TNRC6A: variants seen among roughly 807,000 people sequenced by gnomAD.
TNRC6A encodes the protein trinucleotide repeat containing adaptor 6A.
TNRC6A carries 44 observed loss-of-function variants against 221.2 expected under a neutral mutation model. That is an observed-to-expected ratio of 0.20 (90% CI 0.16 to 0.26). The LOEUF (loss-of-function observed/expected upper bound fraction) is 0.26, where lower values mean the gene tolerates loss of function less well. Among genes scored for constraint, TNRC6A ranks in the 10% least tolerant of loss-of-function variants. The probability of loss-of-function intolerance (pLI) is 1.00; values close to 1 mark genes in which losing one functional copy is unlikely to be tolerated. For missense variants in TNRC6A, 2,199 were observed against 2,404.4 expected (o/e 0.91, Z 1.79); for synonymous variants, 847 against 838.5 (o/e 1.01, Z -0.18).
intron 1 of TNRC6A, among the ~76,000 whole-genome samples, chr16:24,628,349 G>C (rs377160603): frequency 6.6e-6 from 1 of 152,066 alleles, no homozygotes; most frequent in Non-Finnish European, 1.5e-5. Flanking sequence ...GAACCTAGGA[G>C]GCGGAGGTTG....
chr16:24,743,668 A>C (rs966311558), intron 2 of TNRC6A, among the ~76,000 whole-genome samples: 3 of 152,226 alleles, frequency 2.0e-5, no homozygotes, highest in Non-Finnish European at 4.4e-5. Flanking sequence ...GAATAGAACA[A>C]AGAACTTCTG....
chr16:24,676,349 T>G (rs2055420343), intron 2 of TNRC6A, among the ~76,000 whole-genome samples: 1 of 152,132 alleles, frequency 6.6e-6, no homozygotes, highest in African/African-American at 2.4e-5. Flanking sequence ...CAGGCTGGAG[T>G]GCAGTGGCAT....
chr16:24,725,737 C>T (rs550760577), upstream of TNRC6A, among the ~76,000 whole-genome samples: 6 of 151,818 alleles, frequency 4.0e-5, no homozygotes, highest in African/African-American at 1.4e-4. Flanking sequence ...GGCACGGTGG[C>T]TCATGCCTAA....
intron 2 of TNRC6A, among the ~76,000 whole-genome samples, chr16:24,643,942 G>C (rs1027093548): frequency 6.6e-6 from 1 of 152,056 alleles, no homozygotes; most frequent in Non-Finnish European, 1.5e-5. Context: ...AGATGAGAGG[G>C]GCGACAAGTG....
intron 21 of TNRC6A, chr16:24,819,847 A>G: frequency 2.6e-6 from 1 of 385,234 alleles, no homozygotes. Context: ...GCTATTTTAG[A>G]GCAATTCAGA....
At chr16:24,793,809 G>A (rs954415538) in intron 7 of TNRC6A, among the ~76,000 whole-genome samples, 160 bp downstream of exon 7, 3 of 152,146 alleles carry the variant, frequency 2.0e-5, no homozygotes, top group African/African-American at 4.8e-5. Context: ...ATTTTGTAAC[G>A]TGGTTTATTC....
At chr16:24,663,009 A>C (rs2055067230) in intron 2 of TNRC6A, 1 of 153,758 alleles carries the variant, frequency 6.5e-6, no homozygotes, top group Non-Finnish European at 1.5e-5. Flanking sequence ...TTCTTGATGA[A>C]TTGCTTAGAA....
At chr16:24,791,852 T>C (rs780633774) in intron 6 of TNRC6A, 35 bp downstream of exon 6, 3 of 1,464,172 alleles carry the variant, frequency 2.0e-6, no homozygotes. Context: ...AGCCTTGTTT[T>C]AACTTACTGT....
intron 2 of TNRC6A, among the ~76,000 whole-genome samples, chr16:24,710,307 A>C (rs2056181022): frequency 6.6e-6 from 1 of 151,746 alleles, no homozygotes; most frequent in Non-Finnish European, 1.5e-5. Context: ...TCAACAAAAT[A>C]AGAGTTCATT....
chr16:24,771,582 T>TTATGTTTTATGTTATGTTATGTTATGTTA, intron 4 of TNRC6A, among the ~76,000 whole-genome samples: 2 of 95,480 alleles, frequency 2.1e-5, no homozygotes, highest in Non-Finnish European at 4.1e-5. Context: ...TTATGTTATG[T>TTATGTTTTATGTTATGTTATGTTATGTTA]TGTTATGTTA....
intron 2 of TNRC6A, among the ~76,000 whole-genome samples, chr16:24,748,429 A>C (rs2057061078): frequency 6.6e-6 from 1 of 152,118 alleles, no homozygotes; most frequent in African/African-American, 2.4e-5. Flanking sequence ...TACCTCCTGC[A>C]CACAGAATTC....
rs1345910110 is a variant in TNRC6A at position 24,825,292 on chromosome 16, A to G, written c.*1485A>G. The stretch of plus-strand genomic sequence containing the variant: ...AAATTTTAACAGTACAGAATTTGCC[A>G]TCATATCATTGCCTTGATTCTAACT... On this transcript the variant is annotated 3_prime_UTR_variant, in exon 25 of 25. Coordinates refer to ENST00000395799, the MANE Select transcript of TNRC6A (RefSeq NM_014494.4). 1.3e-5 allele frequency: 2 copies of G among 152,656 alleles called. No homozygotes were observed. The highest frequency in any genetic ancestry group is 2.9e-5 in the Non-Finnish European group (2 of 68,046). The allele number at this position is 152,656 out of a possible 1,614,324, so 9.5% of individuals were successfully genotyped here.
At position 24,824,126 on chromosome 16, in the gene TNRC6A, A is replaced by ACC. The variant is rs55802473; in HGVS notation, c.*329_*330dup. ...TTTTTTTTCCTTCTATTCCTCCCCA[A>ACC]CCCCCCCCCCCGCCCCTTTTTTTCT... On this transcript the variant is annotated 3_prime_UTR_variant, in exon 25 of 25. Coordinates refer to ENST00000395799, the MANE Select transcript of TNRC6A (RefSeq NM_014494.4). 3,145 of 25,892 alleles carry ACC rather than the reference A, an allele frequency of 0.12. 359 individuals carry two copies. Among genetic ancestry groups the ACC allele is most frequent in the Non-Finnish European group, 0.17 (2,200 of 12,814 alleles). The allele number at this position is 25,892 out of a possible 1,614,324, so 1.6% of individuals were successfully genotyped here.
chr16:24,817,334 A>G (rs1373877487), intron 20 of TNRC6A, among the ~76,000 whole-genome samples: 1 of 152,208 alleles, frequency 6.6e-6, no homozygotes, highest in Non-Finnish European at 1.5e-5. Flanking sequence ...AAAACAGCAA[A>G]TGAAGGTTGT....
intron 3 of TNRC6A, among the ~76,000 whole-genome samples, chr16:24,757,613 G>A (rs561655310): frequency 6.6e-6 from 1 of 152,078 alleles, no homozygotes; most frequent in Non-Finnish European, 1.5e-5. Flanking sequence ...TAGTCACCTC[G>A]AGTTAACCCT....
chr16:24,819,643 C>G (rs554097223), intron 21 of TNRC6A: 1 of 175,642 alleles, frequency 5.7e-6, no homozygotes, highest in African/African-American at 2.4e-5. Context: ...GGACCACAGA[C>G]AGCACATGCC....
At chr16:24,725,345 G>C (rs1248595767), upstream of TNRC6A, among the ~76,000 whole-genome samples, 4 of 152,122 alleles carry the variant, frequency 2.6e-5, no homozygotes, top group South Asian at 8.3e-4. Context: ...GCTAACTTTT[G>C]TATTTTTAGT....
intron 5 of TNRC6A, among the ~76,000 whole-genome samples, chr16:24,783,998 TTTG>T (rs1230796394): frequency 4.6e-5 from 7 of 152,280 alleles, no homozygotes; most frequent in East Asian, 1.9e-4. Context: ...ACATTTTGTT[TTTG>T]TTGTTGTTGT....
At chr16:24,730,369 C>G (rs554412397) in intron 2 of TNRC6A, 69 bp downstream of exon 2, 4 of 1,550,590 alleles carry the variant, frequency 2.6e-6, no homozygotes, top group East Asian at 2.5e-5. Context: ...TTCGCCTTTT[C>G]TGGGTTGAGA....
Sources: gnomAD v4.1 joint callset for allele counts (sites outside exome capture counted in the v4.1 genomes callset) on GRCh38, gnomAD v4.1.1 for gene constraint, MANE v1.5 for transcripts, NCBI Gene and HGNC (gene_info 2026-07-23, HGNC 2026-07-21) for gene names.